The following DENND1B variants were observed in gnomAD, a reference collection of about 807,000 sequenced individuals.
DENND1B encodes DENN domain-containing protein 1B.
DENND1B carries 59 observed loss-of-function variants against 90.1 expected under a neutral mutation model. The observed-to-expected ratio is 0.65, with a 90% confidence interval of 0.53 to 0.81. The LOEUF (loss-of-function observed/expected upper bound fraction) is 0.81. DENND1B is among the 40% of genes least tolerant of loss of function. The pLI, the probability that DENND1B is intolerant of heterozygous loss-of-function variation, is 0.00. For missense variants in DENND1B, 862 were observed against 912.6 expected (o/e 0.94, Z 0.71); for synonymous variants, 337 against 324.6 (o/e 1.04, Z -0.41).
At chr1:197,745,384 G>A (rs573303571) in intron 2 of DENND1B, among the ~76,000 whole-genome samples, 2 of 152,170 alleles carry the variant, frequency 1.3e-5, no homozygotes, top group South Asian at 2.1e-4. Flanking sequence ...AGAGGCCATT[G>A]TAGGGTTATC....
At chr1:197,687,550 C>A (rs140094058) in intron 3 of DENND1B, among the ~76,000 whole-genome samples, 54 of 152,226 alleles carry the variant, frequency 3.5e-4, no homozygotes, top group African/African-American at 1.3e-3. Context: ...TTCAGTAACT[C>A]TTTACTCTTC....
intron 2 of DENND1B, among the ~76,000 whole-genome samples, chr1:197,728,665 T>G (rs533733776): frequency 7.9e-5 from 12 of 152,304 alleles, no homozygotes; most frequent in Admixed American, 3.9e-4. Context: ...CTCTAAATTC[T>G]TATTGCCTAA....
In DENND1B at chr1:197,552,724, A is replaced by T. The variant is rs1045583981; in HGVS notation, c.1240+298T>A. ...GCAGAGAATACTACTATTCAGAAGG[A>T]AAGACAGGAAGATATGAGTTGATTG... is the stretch of plus-strand genomic sequence containing the variant. On this transcript the variant is annotated intron_variant, in intron 16 of 22. Coordinates refer to ENST00000620048, the MANE Select transcript of DENND1B (RefSeq NM_001195215.2). The T allele has an allele frequency of 2.6e-6, 3 of 1,153,594 alleles. No individual in the cohort carries two copies. The East Asian group carries it at 1.7e-4, about 66-fold the overall frequency. 71.5% of individuals were successfully genotyped at this position (1,153,594 alleles called of 1,614,324 possible).
chr1:197,707,487 G>A (rs1251364718), intron 3 of DENND1B, among the ~76,000 whole-genome samples: 1 of 150,952 alleles, frequency 6.6e-6, no homozygotes, highest in Non-Finnish European at 1.5e-5. Flanking sequence ...ACCCTGATTT[G>A]ATCATTACAT....
chr1:197,602,744 T>C (rs1676318290), intron 13 of DENND1B, among the ~76,000 whole-genome samples: 2 of 151,440 alleles, frequency 1.3e-5, no homozygotes, highest in African/African-American at 4.8e-5. Flanking sequence ...GAAAAGTTTA[T>C]TTTAGAATTC....
At chr1:197,562,804 T>C (rs1672283595) in intron 15 of DENND1B, among the ~76,000 whole-genome samples, 1 of 151,868 alleles carries the variant, frequency 6.6e-6, no homozygotes, top group Non-Finnish European at 1.5e-5. Flanking sequence ...ATTAGCCAAG[T>C]TGTGGATGCA....
intron 3 of DENND1B, chr1:197,685,755 C>CTGAAGTCCT (rs956719022): frequency 3.3e-5 from 5 of 151,820 alleles, no homozygotes; most frequent in African/African-American, 4.8e-5. Flanking sequence ...AATTTAAAAT[C>CTGAAGTCCT]TGAAGTCCTA....
intron 15 of DENND1B, among the ~76,000 whole-genome samples, chr1:197,554,044 T>C (rs1048157819): frequency 6.6e-5 from 10 of 151,710 alleles, no homozygotes; most frequent in African/African-American, 1.9e-4. Context: ...ATGCTGCATT[T>C]GAAAAGTATC....
chr1:197,733,412 C>T (rs1024389128), intron 2 of DENND1B, among the ~76,000 whole-genome samples: 15 of 152,228 alleles, frequency 9.9e-5, no homozygotes, highest in African/African-American at 3.6e-4. Context: ...CCTTACCCAA[C>T]ACTTTTTCCC....
chr1:197,694,894 G>A (rs1490768411), intron 3 of DENND1B, among the ~76,000 whole-genome samples: 1 of 151,184 alleles, frequency 6.6e-6, no homozygotes, highest in African/African-American at 2.4e-5. Flanking sequence ...CATTTGTACA[G>A]GGGTTTTCAA....
intron 10 of DENND1B, among the ~76,000 whole-genome samples, chr1:197,624,007 C>T (rs1230668308): frequency 6.6e-6 from 1 of 151,550 alleles, no homozygotes; most frequent in South Asian, 2.1e-4. Context: ...GTCCTTCCAA[C>T]TTGATCTATA....
intron 3 of DENND1B, among the ~76,000 whole-genome samples, chr1:197,676,313 T>C (rs1656070060): frequency 6.6e-6 from 1 of 152,132 alleles, no homozygotes; most frequent in African/African-American, 2.4e-5. Flanking sequence ...AAATAGCTTT[T>C]ATGGATCCTC....
chr1:197,584,647 T>G (rs895028355), intron 14 of DENND1B, among the ~76,000 whole-genome samples: 6 of 152,158 alleles, frequency 3.9e-5, no homozygotes, highest in Admixed American at 1.3e-4. Context: ...TCATTACACA[T>G]TTTTATACAG....
chr1:197,718,626 A>G (rs1660867899), intron 2 of DENND1B, among the ~76,000 whole-genome samples: 1 of 152,100 alleles, frequency 6.6e-6, no homozygotes, highest in African/African-American at 2.4e-5. Context: ...GGAGCACATA[A>G]TAAGGAAATA....
chr1:197,628,207 C>T lies in DENND1B; in HGVS notation c.673-10448G>A, dbSNP rs568877336. 5.9e-5 allele frequency among the ~76,000 whole-genome samples: 9 copies of T among 152,088 alleles called. 1 individual carries two copies. The South Asian group carries it at 6.2e-4, about 11-fold the overall frequency. ...GTTCATATAGAACCAAAAAAGAGCC[C>T]GCATCGCCAAGTCAATCCTAAGCCA... On this transcript the variant is annotated intron_variant, in intron 10 of 22. Transcript: ENST00000620048.
At chr1:197,772,758 G>C in intron 2 of DENND1B, 110 bp downstream of exon 2, 1 of 880,286 alleles carries the variant, frequency 1.1e-6, no homozygotes, top group Non-Finnish European at 1.7e-6. Flanking sequence ...CCGGGAAGGA[G>C]AGGTTGTGGT....
chr1:197,702,723 T>C (rs16841894), intron 3 of DENND1B, among the ~76,000 whole-genome samples: 2,847 of 152,288 alleles, frequency 0.019, 38 homozygotes, highest in Middle Eastern at 0.031. Context: ...AAAAGAGATA[T>C]GGGCAGCTCT....
chr1:197,753,866 G>A (rs1029045034), intron 2 of DENND1B, among the ~76,000 whole-genome samples: 1 of 151,544 alleles, frequency 6.6e-6, no homozygotes, highest in East Asian at 1.9e-4. Context: ...TGGGTGTGGT[G>A]GCGCACATCT....
chr1:197,635,614 A>G (rs376379259), intron 10 of DENND1B, among the ~76,000 whole-genome samples: 5 of 152,332 alleles, frequency 3.3e-5, no homozygotes, highest in African/African-American at 7.2e-5. Flanking sequence ...CTGGGATTAC[A>G]GGCATGAGCT....
Sources: allele counts gnomAD v4.1 joint callset (sites outside exome capture counted in the v4.1 genomes callset), GRCh38; gene constraint gnomAD v4.1.1; transcripts MANE v1.5; gene names NCBI Gene and HGNC (gene_info 2026-07-23, HGNC 2026-07-21).